LRRC37A3: variants seen among roughly 807,000 people sequenced by gnomAD.
The protein encoded by LRRC37A3 is leucine-rich repeat-containing protein 37A3.
A neutral mutation model predicts 106.2 loss-of-function variants in LRRC37A3; 25 were observed. The ratio of observed to expected loss-of-function variants is 0.24; its 90% confidence interval spans 0.17 to 0.33. LRRC37A3 has a LOEUF of 0.33. LRRC37A3 is among the 10% of genes least tolerant of loss of function. The pLI, the probability that LRRC37A3 is intolerant of heterozygous loss-of-function variation, is 1.00. For missense variants in LRRC37A3, 712 were observed against 1,644.9 expected, an observed-to-expected ratio of 0.43 and a Z score of 9.81; for synonymous variants, 305 against 635.8, an observed-to-expected ratio of 0.48 and a Z score of 7.83.
At chr17:64,857,311 T>C (rs2143356981) in intron 13 of LRRC37A3, among the ~76,000 whole-genome samples, 1 of 152,328 alleles carries the variant, frequency 6.6e-6, no homozygotes, top group East Asian at 1.9e-4. Context: ...TACAAAGATC[T>C]TTTATCTAAC....
In LRRC37A3 at chr17:64,918,825, A is replaced by C; in HGVS notation, c.-571T>G. 1 of 472,384 alleles carries C rather than the reference A, an allele frequency of 2.1e-6. No individual in the cohort carries two copies. 29.3% of individuals were successfully genotyped at this position (472,384 alleles called of 1,614,324 possible). A position where few individuals can be genotyped will look rare whatever the true frequency, so the allele number is the denominator to read the frequency against. ...TGAGGCGGGCGGATCGCCTGAGCTC[A>C]GGAGTTCGACACCAGCCTGGGCAAC... On this transcript the variant is annotated 5_prime_UTR_variant, in exon 2 of 15. Transcript: ENST00000584306.
At chr17:64,904,036 G>C (rs1974389856) in intron 2 of LRRC37A3, among the ~76,000 whole-genome samples, 1 of 151,740 alleles carries the variant, frequency 6.6e-6, no homozygotes, top group South Asian at 2.1e-4. Flanking sequence ...CTACCCAGGA[G>C]TGTCAGGCAG....
At chr17:64,866,723 T>G (rs1973123180) in intron 10 of LRRC37A3, among the ~76,000 whole-genome samples, 2 of 133,492 alleles carry the variant, frequency 1.5e-5, no homozygotes, top group South Asian at 5.0e-4. Flanking sequence ...CTCCACCTCC[T>G]GGGTTCAAGT....
chr17:64,874,792 T>C (rs1299141770), intron 8 of LRRC37A3, among the ~76,000 whole-genome samples: 1 of 152,216 alleles, frequency 6.6e-6, no homozygotes, highest in Non-Finnish European at 1.5e-5. Context: ...ATCTATGACC[T>C]TACCCCCAAC....
At chr17:64,866,269 G>A (rs544504646) in intron 10 of LRRC37A3, among the ~76,000 whole-genome samples, 4 of 152,124 alleles carry the variant, frequency 2.6e-5, no homozygotes, top group Non-Finnish European at 4.4e-5. Flanking sequence ...TCCAGCTGAC[G>A]GGGAAGATGC....
rs144836261 is a variant in LRRC37A3, at chr17:64,881,119, C to T, written c.2906+4967G>A. 792 of 700,894 alleles carry T rather than the reference C, an allele frequency of 1.1e-3. 6 individuals carry two copies. In the African/African-American group the frequency reaches 0.012, roughly 11 times the overall value. The allele number at this position is 700,894 out of a possible 1,614,324, so 43.4% of individuals were successfully genotyped here. On this transcript the variant is annotated intron_variant, in intron 8 of 14. Coordinates refer to ENST00000584306, the MANE Select transcript of LRRC37A3 (RefSeq NM_199340.5). The stretch of plus-strand genomic sequence containing the variant: ...TTTCCTTTATTCATCTACATAGGTT[C>T]GTGAGCCACACATCTCCCCACACCA...
At chr17:64,866,589 CATATATATATATATATATATAT>C (rs1212670512) in intron 10 of LRRC37A3, among the ~76,000 whole-genome samples, 5 of 24,126 alleles carry the variant, frequency 2.1e-4, no homozygotes, top group Non-Finnish European at 3.0e-4. Context: ...TATACACGTA[CATATATATATATATATATATAT>C]ATATATATAT....
At chr17:64,912,996 T>TA (rs1475925574) in intron 2 of LRRC37A3, among the ~76,000 whole-genome samples, 1 of 150,334 alleles carries the variant, frequency 6.7e-6, no homozygotes, top group Non-Finnish European at 1.5e-5. Context: ...ACTACTAATA[T>TA]AAAACACTAA....
chr17:64,912,701 C>T (rs1258177435), intron 2 of LRRC37A3, among the ~76,000 whole-genome samples: 3 of 149,834 alleles, frequency 2.0e-5, no homozygotes, highest in Non-Finnish European at 4.4e-5. Context: ...AATTAAAAGA[C>T]GCTGTCAGAT....
chr17:64,867,760 A>G (rs933962074), intron 10 of LRRC37A3, among the ~76,000 whole-genome samples: 3 of 152,016 alleles, frequency 2.0e-5, no homozygotes, highest in Non-Finnish European at 4.4e-5. Context: ...CATGGATGGT[A>G]GCATAATCTC....
chr17:64,865,755 ATAT>A (rs1973046557), intron 10 of LRRC37A3, among the ~76,000 whole-genome samples: 1 of 152,218 alleles, frequency 6.6e-6, no homozygotes, highest in Non-Finnish European at 1.5e-5. Context: ...ATGGAACTTC[ATAT>A]TATCATTGTC....
chr17:64,858,781 C>T lies in LRRC37A3; in HGVS notation c.4807G>A (p.Glu1603Lys), dbSNP rs1972766432. Residue 1603 changes from glutamate to lysine, a missense_variant and splice_region_variant, in exon 13 of 15, where the codon GAG (glutamate) becomes AAG (lysine). Glu to Lys is a moderately conservative substitution (Grantham distance 56). Coordinates refer to ENST00000584306, the MANE Select transcript of LRRC37A3 (RefSeq NM_199340.5). ...TILIILLCLI[E>K]ICCHRRSLQE... ...CCTGAATTAATTATTGTCCTTACCTCAATGAGGCAGAGAAGTATAATCAAA... is the reference window on the plus strand; with the variant it reads ...CCTGAATTAATTATTGTCCTTACCTTAATGAGGCAGAGAAGTATAATCAAA... The T allele has an allele frequency of 6.2e-7, 1 of 1,605,060 alleles. No individual in the cohort carries two copies.
At chr17:64,915,264 GA>G (rs1329003486) in intron 2 of LRRC37A3, among the ~76,000 whole-genome samples, 1 of 143,074 alleles carries the variant, frequency 7.0e-6, no homozygotes, top group Admixed American at 6.6e-5. Context: ...CTACCTTAAG[GA>G]AACAGTGAAA....
chr17:64,869,373 G>A (rs899564814), intron 8 of LRRC37A3, among the ~76,000 whole-genome samples: 9 of 151,918 alleles, frequency 5.9e-5, no homozygotes, highest in African/African-American at 1.2e-4. Flanking sequence ...GATAGAACGC[G>A]GGGAAGAACT....
chr17:64,869,604 T>C (rs58504615), intron 8 of LRRC37A3, among the ~76,000 whole-genome samples: 5 of 148,680 alleles, frequency 3.4e-5, no homozygotes, highest in Non-Finnish European at 5.9e-5. Flanking sequence ...GGCTCGATCT[T>C]GGCTCACTGC....
At chr17:64,882,597 C>A (rs995601408) in intron 8 of LRRC37A3, among the ~76,000 whole-genome samples, 1 of 151,664 alleles carries the variant, frequency 6.6e-6, no homozygotes, top group Admixed American at 6.6e-5. Flanking sequence ...GATGACAATA[C>A]CCTCAACTGT....
intron 10 of LRRC37A3, among the ~76,000 whole-genome samples, chr17:64,866,624 ATATATTTT>A (rs1368029915): frequency 8.4e-5 from 2 of 23,912 alleles, no homozygotes; most frequent in South Asian, 1.8e-3. Context: ...ATATATATAT[ATATATTTT>A]TTTTTTTTTT....
At chr17:64,866,040 G>A (rs1225671189) in intron 10 of LRRC37A3, among the ~76,000 whole-genome samples, 1 of 151,836 alleles carries the variant, frequency 6.6e-6, no homozygotes, top group Admixed American at 6.6e-5. Flanking sequence ...TACTTACTTT[G>A]TACATAAATG....
chr17:64,869,836 T>A (rs1279394619), intron 8 of LRRC37A3, among the ~76,000 whole-genome samples: 1 of 151,822 alleles, frequency 6.6e-6, no homozygotes, highest in Non-Finnish European at 1.5e-5. Flanking sequence ...CCACTGCGGC[T>A]GGCTGCTTGT....
Sources: gnomAD v4.1 joint callset for allele counts (sites outside exome capture counted in the v4.1 genomes callset) on GRCh38, gnomAD v4.1.1 for gene constraint, MANE v1.5 for transcripts, NCBI Gene and HGNC (gene_info 2026-07-23, HGNC 2026-07-21) for gene names.